Variants in TSPAN16 observed in about 807,000 individuals in gnomAD.
TSPAN16 encodes the protein tetraspanin-16.
A neutral mutation model predicts 25.2 loss-of-function variants in TSPAN16; 23 were observed. The ratio of observed to expected loss-of-function variants is 0.91; its 90% CI spans 0.66 to 1.29. The LOEUF is 1.29. Ranked by LOEUF, TSPAN16 falls within the 50% of genes most tolerant of loss-of-function variation. The pLI, the probability that TSPAN16 is intolerant of heterozygous loss-of-function variation, is 0.00. For synonymous variants in TSPAN16, 123 were observed against 124.4 expected (o/e 0.99, Z 0.08); for missense variants, 272 against 299.9 (o/e 0.91, Z 0.69).
At chr19:11,299,017 C>T (rs538149459) in intron 3 of TSPAN16, 71 bp downstream of exon 3, 51 of 1,469,316 alleles carry the variant, frequency 3.5e-5, no homozygotes, top group Middle Eastern at 1.7e-4. Flanking sequence ...CAGTGGCTCA[C>T]GCCTCTAATC....
downstream of TSPAN16, among the ~76,000 whole-genome samples, chr19:11,316,541 A>G (rs982948268): frequency 6.6e-6 from 1 of 152,114 alleles, no homozygotes; most frequent in Non-Finnish European, 1.5e-5. Context: ...TGCTTTATCA[A>G]TCCCCTTTTT....
chr19:11,308,473 ATTTT>A (rs766587009), intron 5 of TSPAN16, among the ~76,000 whole-genome samples: 1 of 123,262 alleles, frequency 8.1e-6, no homozygotes, highest in Non-Finnish European at 1.8e-5. Context: ...TAATTTTTGC[ATTTT>A]TTTTTTTTTT....
chr19:11,306,925 C>T, intron 5 of TSPAN16, 169 bp downstream of exon 5: 1 of 577,554 alleles, frequency 1.7e-6, no homozygotes, highest in South Asian at 2.3e-5. Context: ...AAGTGATTCT[C>T]CCGCCCCAGC....
intron 2 of TSPAN16, 92 bp from the exon 3 acceptor site, chr19:11,298,780 G>A (rs1039266964): frequency 8.7e-6 from 11 of 1,269,980 alleles, no homozygotes; most frequent in African/African-American, 2.9e-5. Context: ...GTGGAGGGTC[G>A]GGGGAACAGA....
intron 5 of TSPAN16, 167 bp downstream of exon 5, chr19:11,306,923 C>T (rs550346903): frequency 1.9e-4 from 112 of 598,480 alleles, no homozygotes; most frequent in African/African-American, 1.9e-3. Flanking sequence ...TCAAGTGATT[C>T]TCCCGCCCCA....
intron 6 of TSPAN16, among the ~76,000 whole-genome samples, chr19:11,315,353 C>T (rs992269404): frequency 1.3e-5 from 2 of 149,980 alleles, no homozygotes; most frequent in African/African-American, 2.4e-5. Context: ...GTCAGGAGAT[C>T]GAGACGATCC....
downstream of TSPAN16, among the ~76,000 whole-genome samples, chr19:11,319,172 T>A (rs2147960587): frequency 6.6e-6 from 1 of 152,310 alleles, no homozygotes; most frequent in South Asian, 2.1e-4. Context: ...AGGTTACCCA[T>A]ATTTCTGTCC....
intron 5 of TSPAN16, among the ~76,000 whole-genome samples, chr19:11,311,266 G>A (rs1014673301): frequency 6.6e-5 from 10 of 152,310 alleles, no homozygotes; most frequent in African/African-American, 2.2e-4. Context: ...CTCCCGAGTA[G>A]CTGGAATTAC....
chr19:11,304,804 G>C (rs547276698), intron 4 of TSPAN16, among the ~76,000 whole-genome samples: 98 of 152,086 alleles, frequency 6.4e-4, no homozygotes, highest in Middle Eastern at 3.4e-3. Context: ...GATTACAGGC[G>C]TGAGCCACTG....
downstream of TSPAN16, among the ~76,000 whole-genome samples, chr19:11,316,587 C>T (rs751330610): frequency 5.9e-5 from 9 of 151,936 alleles, no homozygotes; most frequent in Non-Finnish European, 1.2e-4. Flanking sequence ...TTTAAATTGA[C>T]AAGTCATAAT....
At chr19:11,325,705 G>C in intron 6 of TSPAN16, 5 of 925,118 alleles carry the variant, frequency 5.4e-6, no homozygotes, top group Non-Finnish European at 8.1e-6. Context: ...GTGGGACCTT[G>C]GTTGTGTGCC....
At chr19:11,305,859 A>G (rs1210846752) in intron 4 of TSPAN16, among the ~76,000 whole-genome samples, 1 of 152,210 alleles carries the variant, frequency 6.6e-6, no homozygotes, top group Non-Finnish European at 1.5e-5. Flanking sequence ...CATTACTGAC[A>G]TGTGAATGAA....
chr19:11,296,427 C>T, intron 1 of TSPAN16, 61 bp downstream of exon 1: 1 of 1,545,354 alleles, frequency 6.5e-7, no homozygotes, highest in Non-Finnish European at 8.9e-7. Context: ...AGTCAGCTCC[C>T]TGAAAGACAG....
intron 4 of TSPAN16, among the ~76,000 whole-genome samples, chr19:11,301,828 A>ATTT (rs34234134): frequency 6.2e-5 from 9 of 144,964 alleles, no homozygotes; most frequent in African/African-American, 1.8e-4. Context: ...ATCGTTTAAC[A>ATTT]TTTTTTTTTT....
intron 6 of TSPAN16, among the ~76,000 whole-genome samples, chr19:11,314,788 A>G (rs1348865633): frequency 6.6e-6 from 1 of 152,088 alleles, no homozygotes. Flanking sequence ...GGAGGGGAAG[A>G]AAAGAGGGAG....
chr19:11,303,875 C>T (rs2080597665), intron 4 of TSPAN16, among the ~76,000 whole-genome samples: 2 of 151,630 alleles, frequency 1.3e-5, no homozygotes, highest in South Asian at 2.1e-4. Flanking sequence ...CCTCCGCCTC[C>T]TGGGTTCAAG....
chr19:11,306,075 C>T (rs1410344691), intron 4 of TSPAN16, among the ~76,000 whole-genome samples: 3 of 152,178 alleles, frequency 2.0e-5, no homozygotes, highest in Non-Finnish European at 4.4e-5. Flanking sequence ...CGAGACCAGC[C>T]TGGCCAACGT....
chr19:11,312,747 A>T (rs1391810531), intron 6 of TSPAN16, among the ~76,000 whole-genome samples: 1 of 152,160 alleles, frequency 6.6e-6, no homozygotes, highest in African/African-American at 2.4e-5. Flanking sequence ...TGAGTGACAG[A>T]GTGAGATCAT....
At chr19:11,314,463 G>A (rs993926310) in intron 6 of TSPAN16, among the ~76,000 whole-genome samples, 6 of 152,020 alleles carry the variant, frequency 3.9e-5, no homozygotes, top group Non-Finnish European at 8.8e-5. Context: ...TCTGCAAATC[G>A]CCACTAACTG....
Sources: allele counts gnomAD v4.1 joint callset (sites outside exome capture counted in the v4.1 genomes callset), GRCh38; gene constraint gnomAD v4.1.1; transcripts MANE v1.5; gene names NCBI Gene and HGNC (gene_info 2026-07-23, HGNC 2026-07-21).